The following DOCK3 variants were observed in gnomAD, a reference collection of about 807,000 sequenced individuals.
DOCK3 encodes the protein dedicator of cytokinesis protein 3.
A neutral mutation model predicts 265.6 loss-of-function variants in DOCK3; 60 were observed. The ratio of observed to expected loss-of-function variants is 0.23; its 90% CI spans 0.18 to 0.28. The LOEUF is 0.28. Among genes scored for constraint, DOCK3 ranks in the 10% least tolerant of loss-of-function variants. The probability of loss-of-function intolerance (pLI) is 1.00; values close to 1 mark genes in which losing one functional copy is unlikely to be tolerated. For missense variants in DOCK3, 1,981 were observed against 2,594.3 expected, an observed-to-expected ratio of 0.76 and a Z score of 5.14; for synonymous variants, 881 against 938.0, an observed-to-expected ratio of 0.94 and a Z score of 1.11.
chr3:50,703,705 C>T (rs1051837824), intron 1 of DOCK3, among the ~76,000 whole-genome samples: 4 of 151,044 alleles, frequency 2.6e-5, no homozygotes, highest in Non-Finnish European at 5.9e-5. Context: ...TGGGTTTTCT[C>T]GGTTACTGTA....
chr3:50,677,708 G>A (rs947038607), intron 1 of DOCK3, among the ~76,000 whole-genome samples: 31 of 152,312 alleles, frequency 2.0e-4, no homozygotes, highest in African/African-American at 6.5e-4. Flanking sequence ...CCCTGTTGCA[G>A]CAGTACAAAG....
In DOCK3 at chr3:50,782,433, G is replaced by A. The variant is rs1392691449; in HGVS notation, c.121+3675G>A. On this transcript the variant is annotated intron_variant, in intron 2 of 52. Transcript: ENST00000266037. Reference sequence around the variant, plus strand: ...AGCCTCCCGAGTAGCTGGGACTACAGGCGCCCGCTACCACGCCCGGCTAAT... The same window carrying A: ...AGCCTCCCGAGTAGCTGGGACTACAAGCGCCCGCTACCACGCCCGGCTAAT... Among the ~76,000 whole-genome samples the A allele has an allele frequency of 2.0e-5, 3 of 150,848 alleles. No individual in the cohort carries two copies. The East Asian group carries it at 5.9e-4, about 30-fold the overall frequency.
At chr3:50,869,265 C>T (rs1175660627) in intron 3 of DOCK3, among the ~76,000 whole-genome samples, 7 of 150,086 alleles carry the variant, frequency 4.7e-5, no homozygotes, top group African/African-American at 1.2e-4. Flanking sequence ...TGAGCCGCTG[C>T]GCCCAGCCAA....
At chr3:50,773,606 C>T (rs1029350262) in intron 1 of DOCK3, among the ~76,000 whole-genome samples, 3 of 152,144 alleles carry the variant, frequency 2.0e-5, no homozygotes, top group South Asian at 2.1e-4. Context: ...AGTTTGTTAA[C>T]GAGTAAAAGA....
intron 27 of DOCK3, among the ~76,000 whole-genome samples, chr3:51,290,337 A>G (rs1281537130): frequency 6.6e-6 from 1 of 152,220 alleles, no homozygotes; most frequent in Non-Finnish European, 1.5e-5. Flanking sequence ...CATATACACC[A>G]TGGAATACTA....
chr3:50,853,349 T>C (rs145737627), intron 3 of DOCK3, among the ~76,000 whole-genome samples: 22 of 152,234 alleles, frequency 1.4e-4, no homozygotes, highest in African/African-American at 5.3e-4. Context: ...TGTGCAGGTT[T>C]GTTACATGGG....
chr3:51,010,015 G>C (rs1034063462), intron 5 of DOCK3, among the ~76,000 whole-genome samples: 2 of 152,158 alleles, frequency 1.3e-5, no homozygotes, highest in Admixed American at 6.5e-5. Context: ...TTTTACATTT[G>C]CTGAGGAGTG....
chr3:50,721,018 A>C (rs1428241197), intron 1 of DOCK3, among the ~76,000 whole-genome samples: 2 of 148,628 alleles, frequency 1.3e-5, no homozygotes, highest in Non-Finnish European at 3.0e-5. Flanking sequence ...AAAAGTGTTC[A>C]TGTTTTTTGC....
At chr3:51,015,250 A>G (rs1051614197) in intron 5 of DOCK3, among the ~76,000 whole-genome samples, 3 of 152,100 alleles carry the variant, frequency 2.0e-5, no homozygotes, top group Admixed American at 6.6e-5. Flanking sequence ...CTCATTCAGT[A>G]TGATACCAGC....
chr3:51,203,340 G>T (rs531245670), intron 12 of DOCK3, among the ~76,000 whole-genome samples: 1 of 152,174 alleles, frequency 6.6e-6, no homozygotes, highest in Non-Finnish European at 1.5e-5. Flanking sequence ...CAAAATCAAT[G>T]TACAGAAATC....
intron 4 of DOCK3, chr3:50,901,059 C>T (rs1021564147): frequency 1.0e-5 from 3 of 296,410 alleles, no homozygotes; most frequent in African/African-American, 4.6e-5. Flanking sequence ...TTTAAGTCTG[C>T]TGATGCAGTG....
At chr3:50,714,541 G>T (rs1449626452) in intron 1 of DOCK3, among the ~76,000 whole-genome samples, 1 of 152,156 alleles carries the variant, frequency 6.6e-6, no homozygotes, top group Non-Finnish European at 1.5e-5. Context: ...GAGTGCTGTG[G>T]TGTGATCATG....
chr3:51,007,291 T>A (rs1381632109), intron 5 of DOCK3, among the ~76,000 whole-genome samples: 2 of 152,210 alleles, frequency 1.3e-5, no homozygotes, highest in African/African-American at 4.8e-5. Context: ...ACCTGTTGTT[T>A]CCTGACTTTT....
chr3:51,327,510 T>C (rs1011680095), intron 32 of DOCK3, among the ~76,000 whole-genome samples: 1 of 152,174 alleles, frequency 6.6e-6, no homozygotes, highest in African/African-American at 2.4e-5. Context: ...TATGACAAAA[T>C]ATGTTTGAAG....
At chr3:50,880,147 T>C (rs2047946284) in intron 3 of DOCK3, among the ~76,000 whole-genome samples, 1 of 152,136 alleles carries the variant, frequency 6.6e-6, no homozygotes, top group Non-Finnish European at 1.5e-5. Context: ...TAGAGGGAAA[T>C]TTATAGCACT....
intron 2 of DOCK3, among the ~76,000 whole-genome samples, chr3:50,819,780 G>A (rs2044294596): frequency 6.6e-6 from 1 of 152,112 alleles, no homozygotes; most frequent in Non-Finnish European, 1.5e-5. Context: ...TGGCCAACAT[G>A]GCGAAACCCC....
chr3:50,705,291 G>T (rs1426217073), intron 1 of DOCK3, among the ~76,000 whole-genome samples: 1 of 152,080 alleles, frequency 6.6e-6, no homozygotes, highest in African/African-American at 2.4e-5. Context: ...ATCCCCACGT[G>T]TTGAGGGAGG....
rs562472283 is a variant in DOCK3 at position 51,249,343 on chromosome 3, G to A, written c.2184+2536G>A. ...GAGGGAGGTGGGGGGTTCAGGCCCC[G>A]CCCGGCCAGCCGCCCAGTCCGGGAG... On this transcript the variant is annotated intron_variant, in intron 22 of 52. Transcript: ENST00000266037. Among the ~76,000 whole-genome samples the A allele has an allele frequency of 2.4e-3, 320 of 130,992 alleles. 1 individual carries two copies. The highest frequency in any genetic ancestry group is 3.7e-3 in the Non-Finnish European group (224 of 60,326). 85.9% of individuals were successfully genotyped at this position (130,992 alleles called of 152,430 possible). A position where few individuals can be genotyped will look rare whatever the true frequency, so the allele number is the denominator to read the frequency against.
intron 12 of DOCK3, among the ~76,000 whole-genome samples, chr3:51,205,530 C>CAA (rs113675443): frequency 7.7e-5 from 8 of 104,380 alleles, no homozygotes; most frequent in African/African-American, 2.1e-4. Flanking sequence ...CTTATCTCTA[C>CAA]AAAAAAAAAA....
Sources: gnomAD v4.1 joint callset for allele counts (sites outside exome capture counted in the v4.1 genomes callset) on GRCh38, gnomAD v4.1.1 for gene constraint, MANE v1.5 for transcripts, NCBI Gene and HGNC (gene_info 2026-07-23, HGNC 2026-07-21) for gene names.